Variants in CDYL observed in about 807,000 individuals in gnomAD.
CDYL encodes chromodomain Y-like protein.
In CDYL, 8 loss-of-function variants were observed where a neutral mutation model predicts 47.3. The ratio of observed to expected loss-of-function variants is 0.17; its 90% CI spans 0.10 to 0.31. The LOEUF (loss-of-function observed/expected upper bound fraction) is 0.31. CDYL is among the 10% of genes least tolerant of loss of function. CDYL has a pLI of 1.00. For missense variants in CDYL, 471 were observed against 701.4 expected (o/e 0.67, Z 3.71); for synonymous variants, 266 against 265.0 (o/e 1.00, Z -0.04).
intron 1 of CDYL, among the ~76,000 whole-genome samples, chr6:4,818,810 A>C (rs1377661474): frequency 2.6e-5 from 4 of 152,246 alleles, no homozygotes; most frequent in Non-Finnish European, 5.9e-5. Flanking sequence ...TGTAAAAATC[A>C]TGTTAACTTG....
intron 1 of CDYL, among the ~76,000 whole-genome samples, chr6:4,890,541 C>A (rs957117717): frequency 3.9e-5 from 6 of 152,182 alleles, no homozygotes; most frequent in Non-Finnish European, 7.3e-5. Context: ...TTTTCTATAT[C>A]TCAAGTAGAT....
At chr6:4,803,550 T>A (rs1759283906) in intron 1 of CDYL, among the ~76,000 whole-genome samples, 1 of 152,134 alleles carries the variant, frequency 6.6e-6, no homozygotes, top group Non-Finnish European at 1.5e-5. Flanking sequence ...TGACAGACGA[T>A]AGACAGGTGT....
intron 6 of CDYL, among the ~76,000 whole-genome samples, chr6:4,952,848 AC>A (rs905853398): frequency 2.0e-5 from 3 of 151,820 alleles, no homozygotes; most frequent in Non-Finnish European, 2.9e-5. Context: ...GCTCACTGCA[AC>A]CTCAACCTCC....
chr6:4,823,200 T>C (rs1759887966), intron 1 of CDYL, among the ~76,000 whole-genome samples: 1 of 152,236 alleles, frequency 6.6e-6, no homozygotes, highest in Admixed American at 6.5e-5. Flanking sequence ...CCGTGACATT[T>C]ACCTTTAAGA....
rs549240382 is a variant in CDYL at position 4,781,874 on chromosome 6, A to G, written c.24+5067A>G. Among the ~76,000 whole-genome samples, 130 of 152,316 alleles carry G rather than the reference A, an allele frequency of 8.5e-4. 1 individual carries two copies. Among genetic ancestry groups the G allele is most frequent in the African/African-American group, 2.8e-3 (117 of 41,556 alleles). ...TATATTGTGAGCACTCCTAGGTGGA[A>G]CAGGACCAGCCTGGGGTCTTTTTTC... On this transcript the variant is annotated intron_variant, in intron 1 of 6. Transcript: ENST00000397588.
Position 4,759,571 on chromosome 6 carries a change from G to C in CDYL, c.186+24727G>C, listed in dbSNP as rs75492610. 3.7e-3 allele frequency among the ~76,000 whole-genome samples: 561 copies of C among 151,980 alleles called. 20 individuals are homozygous for C. In the East Asian group the frequency reaches 0.091, roughly 25 times the overall value. On this transcript the variant is annotated intron_variant, in intron 3 of 8. Transcript: ENST00000328908. ...AGTGCTTAAATTAAAAGAGCCCATT[G>C]ATCTTCTCATTTTAGAAATTGTAGG...
chr6:4,926,461 C>G (rs1244625976), intron 2 of CDYL, among the ~76,000 whole-genome samples: 1 of 150,684 alleles, frequency 6.6e-6, no homozygotes, highest in Non-Finnish European at 1.5e-5. Context: ...TTTTTGAACT[C>G]TTTTTGCAGT....
At position 4,707,456 on chromosome 6, in the gene CDYL, T is replaced by TA. The variant is rs546166059; in HGVS notation, c.-39+1206dup. On this transcript the variant is annotated intron_variant, in intron 1 of 8. Coordinates refer to the CDYL transcript ENST00000328908. ...CCACACTAATTTTTTGTATTTTTAATAGAGACTGGGTTTCACCACGTTGGC... is the reference window on the plus strand; with the variant it reads ...CCACACTAATTTTTTGTATTTTTAATAAGAGACTGGGTTTCACCACGTTGGC... Among the ~76,000 whole-genome samples the TA allele has an allele frequency of 2.8e-4, 42 of 152,302 alleles. No individual in the cohort carries two copies. The East Asian group carries it at 4.1e-3, about 15-fold the overall frequency.
intron 1 of CDYL, among the ~76,000 whole-genome samples, chr6:4,877,477 C>G (rs1761651784): frequency 1.3e-5 from 2 of 152,108 alleles, no homozygotes; most frequent in African/African-American, 4.8e-5. Context: ...TATACTTAGG[C>G]CTGTAATGCA....
chr6:4,943,884 T>A, intron 5 of CDYL, 128 bp downstream of exon 5: 1 of 704,944 alleles, frequency 1.4e-6, no homozygotes, highest in Non-Finnish European at 2.3e-6. Context: ...ATCTTGTAAT[T>A]CAGATTTGGG....
chr6:4,772,978 C>T (rs745769111), upstream of CDYL: 3 of 373,200 alleles, frequency 8.0e-6, no homozygotes, highest in Non-Finnish European at 1.6e-5. Context: ...GGAAGACATG[C>T]CTGGTTTGGC....
At chr6:4,893,189 C>T (rs964512308) in intron 2 of CDYL, among the ~76,000 whole-genome samples, 1 of 152,220 alleles carries the variant, frequency 6.6e-6, no homozygotes, top group South Asian at 2.1e-4. Flanking sequence ...TTCAGTCATT[C>T]TTGGACGAGG....
intron 2 of CDYL, among the ~76,000 whole-genome samples, chr6:4,722,456 T>C (rs1757388802): frequency 6.6e-6 from 1 of 152,338 alleles, no homozygotes; most frequent in African/African-American, 2.4e-5. Flanking sequence ...ATAGAAATCT[T>C]CCGAAAGATA....
chr6:4,712,846 TTACCAAGTATG>T (rs1046747144), intron 1 of CDYL, among the ~76,000 whole-genome samples: 3 of 152,216 alleles, frequency 2.0e-5, no homozygotes, highest in Admixed American at 6.5e-5. Flanking sequence ...ACTCTGCCAT[TTACCAAGTATG>T]TACCAAGTAT....
At chr6:4,847,285 ATCCG>A (rs1315345763) in intron 1 of CDYL, among the ~76,000 whole-genome samples, 1 of 152,076 alleles carries the variant, frequency 6.6e-6, no homozygotes, top group Non-Finnish European at 1.5e-5. Context: ...TGCCGCCCCC[ATCCG>A]TCCCTGTCTC....
chr6:4,712,780 G>A (rs1757175559), intron 1 of CDYL, among the ~76,000 whole-genome samples: 1 of 152,206 alleles, frequency 6.6e-6, no homozygotes, highest in Non-Finnish European at 1.5e-5. Context: ...CACGACTCAC[G>A]TGCTACAGAT....
At chr6:4,742,216 T>A (rs1306090159) in intron 3 of CDYL, among the ~76,000 whole-genome samples, 1 of 151,780 alleles carries the variant, frequency 6.6e-6, no homozygotes, top group Non-Finnish European at 1.5e-5. Flanking sequence ...AAATTTTTTT[T>A]AATTAGCCAG....
intron 3 of CDYL, among the ~76,000 whole-genome samples, chr6:4,737,885 C>T (rs1453843652): frequency 1.3e-5 from 2 of 151,994 alleles, no homozygotes; most frequent in Non-Finnish European, 1.5e-5. Flanking sequence ...AATTGAATTA[C>T]ATGAAAGTTA....
At chr6:4,934,341 TA>T (rs922627398) in intron 2 of CDYL, among the ~76,000 whole-genome samples, 5 of 151,656 alleles carry the variant, frequency 3.3e-5, no homozygotes, top group African/African-American at 9.7e-5. Context: ...AAAATATAAT[TA>T]AAAAAAAACC....
Sources: gnomAD v4.1 joint callset for allele counts (sites outside exome capture counted in the v4.1 genomes callset) on GRCh38, gnomAD v4.1.1 for gene constraint, MANE v1.5 for transcripts, NCBI Gene and HGNC (gene_info 2026-07-23, HGNC 2026-07-21) for gene names.